The following GRIK2 variants were observed in gnomAD, a reference collection of about 807,000 sequenced individuals.
GRIK2 encodes the protein glutamate ionotropic receptor kainate type subunit 2, also known as glutamate receptor ionotropic, kainate 2.
Under a neutral mutation model 100.3 loss-of-function variants are expected in GRIK2, and 32 were observed. The observed-to-expected ratio is 0.32, with a 90% CI of 0.24 to 0.43. The LOEUF is 0.43. GRIK2 is among the 20% of genes least tolerant of loss of function. The pLI, the probability that GRIK2 is intolerant of heterozygous loss-of-function variation, is 1.00. For missense variants in GRIK2, 843 were observed against 1,114.9 expected (o/e 0.76, Z 3.47); for synonymous variants, 417 against 389.4 (o/e 1.07, Z -0.83).
In GRIK2 at chr6:101,790,942, G is replaced by T. The variant is rs1158449506; in HGVS notation, c.952-8706G>T. Among the ~76,000 whole-genome samples the T allele has an allele frequency of 2.0e-5, 3 of 152,132 alleles. No homozygotes were observed. The East Asian group carries it at 5.8e-4, about 29-fold the overall frequency. ...CTTCCTGGTTTAGTCTTGGGAGGGT[G>T]TATATGTCGAGGAATTTATCCATTT... On this transcript the variant is annotated intron_variant, in intron 7 of 16. Coordinates refer to ENST00000369134, the MANE Select transcript of GRIK2 (RefSeq NM_021956.5).
chr6:101,661,283 A>T (rs1195970741), intron 4 of GRIK2, among the ~76,000 whole-genome samples: 1 of 152,026 alleles, frequency 6.6e-6, no homozygotes, highest in African/African-American at 2.4e-5. Context: ...GTGAGGGGAA[A>T]ATTGCCTACT....
At chr6:101,402,048 C>T (rs965777335) in intron 2 of GRIK2, among the ~76,000 whole-genome samples, 5 of 152,176 alleles carry the variant, frequency 3.3e-5, no homozygotes, top group Admixed American at 1.3e-4. Flanking sequence ...CTGTGTTATC[C>T]TTCCCCTTGC....
At chr6:101,425,451 G>A (rs1290261190) in intron 2 of GRIK2, among the ~76,000 whole-genome samples, 1 of 151,988 alleles carries the variant, frequency 6.6e-6, no homozygotes, top group Non-Finnish European at 1.5e-5. Context: ...GGAAAATTGA[G>A]AGAGTAAGAC....
At chr6:101,730,785 T>C (rs867960720) in intron 7 of GRIK2, among the ~76,000 whole-genome samples, 1 of 151,320 alleles carries the variant, frequency 6.6e-6, no homozygotes, top group Admixed American at 6.6e-5. Flanking sequence ...GAGAGAAACA[T>C]ACTTCACAGC....
chr6:101,914,607 C>T lies in GRIK2; in HGVS notation c.1749-9994C>T, dbSNP rs1310958954. Among the ~76,000 whole-genome samples the T allele has an allele frequency of 2.6e-5, 4 of 151,306 alleles. No individual in the cohort carries two copies. In the East Asian group the frequency reaches 7.8e-4, roughly 29 times the overall value. ...TGGAGTGTGAGTCGTATTACTGATC[C>T]TGACAATGTGTTGCCCCCCCACCAC... On this transcript the variant is annotated intron_variant, in intron 12 of 16. Transcript: ENST00000369134.
At chr6:101,908,157 T>C (rs1168645114) in intron 12 of GRIK2, among the ~76,000 whole-genome samples, 2 of 151,574 alleles carry the variant, frequency 1.3e-5, no homozygotes, top group Admixed American at 1.3e-4. Flanking sequence ...ATTTTATTTA[T>C]TATATTGTAT....
intron 2 of GRIK2, among the ~76,000 whole-genome samples, chr6:101,594,514 T>C (rs188665464): frequency 1.3e-5 from 2 of 151,900 alleles, no homozygotes; most frequent in East Asian, 1.9e-4. Flanking sequence ...AGGAAATATA[T>C]AGCATATGTT....
intron 7 of GRIK2, among the ~76,000 whole-genome samples, chr6:101,705,581 A>C (rs1445094232): frequency 1.3e-5 from 2 of 151,852 alleles, no homozygotes; most frequent in African/African-American, 4.8e-5. Flanking sequence ...TCTATGGAAA[A>C]TGTACATGTA....
chr6:101,536,034 C>A (rs1211098452), intron 2 of GRIK2, among the ~76,000 whole-genome samples: 2 of 151,700 alleles, frequency 1.3e-5, no homozygotes, highest in Non-Finnish European at 3.0e-5. Flanking sequence ...TCTTGAGGGA[C>A]AAACAATAAT....
chr6:101,585,886 G>A (rs1354824870), intron 2 of GRIK2, among the ~76,000 whole-genome samples: 1 of 152,040 alleles, frequency 6.6e-6, no homozygotes, highest in Non-Finnish European at 1.5e-5. Context: ...TCATGTGGTG[G>A]AGCAAGCTAA....
chr6:101,748,306 T>C (rs1429441014), intron 7 of GRIK2, among the ~76,000 whole-genome samples: 1 of 152,154 alleles, frequency 6.6e-6, no homozygotes, highest in Non-Finnish European at 1.5e-5. Flanking sequence ...ATTCCTTTCA[T>C]CAATTTAGCA....
At chr6:101,721,411 T>C (rs1296627781) in intron 7 of GRIK2, among the ~76,000 whole-genome samples, 1 of 151,712 alleles carries the variant, frequency 6.6e-6, no homozygotes, top group Non-Finnish European at 1.5e-5. Context: ...AAATAAAAAT[T>C]AGCTGGGAGT....
chr6:101,734,729 G>A (rs1243971728), intron 7 of GRIK2, among the ~76,000 whole-genome samples: 1 of 152,156 alleles, frequency 6.6e-6, no homozygotes, highest in Non-Finnish European at 1.5e-5. Flanking sequence ...CTTGTCCTAA[G>A]GAAAATGACA....
chr6:101,549,407 G>A (rs1242578933), intron 2 of GRIK2, among the ~76,000 whole-genome samples: 1 of 152,034 alleles, frequency 6.6e-6, no homozygotes, highest in Non-Finnish European at 1.5e-5. Context: ...TTTTATGTTA[G>A]TTCATGGTGG....
intron 7 of GRIK2, among the ~76,000 whole-genome samples, chr6:101,700,308 T>G (rs1487527442): frequency 6.6e-6 from 1 of 151,654 alleles, no homozygotes; most frequent in Non-Finnish European, 1.5e-5. Context: ...TTATAAAAAT[T>G]TGACAGTTTG....
chr6:101,960,522 C>T (rs914151409), intron 14 of GRIK2, among the ~76,000 whole-genome samples: 42 of 151,940 alleles, frequency 2.8e-4, no homozygotes, highest in African/African-American at 9.9e-4. Context: ...CTCTTGAGGG[C>T]GTAACTGTAA....
At chr6:101,917,401 T>A (rs1023314840) in intron 12 of GRIK2, among the ~76,000 whole-genome samples, 6 of 151,694 alleles carry the variant, frequency 4.0e-5, no homozygotes, top group Non-Finnish European at 7.4e-5. Flanking sequence ...CTCATTTAAA[T>A]AATGCTGAAA....
At chr6:101,966,261 T>C (rs905855515) in intron 14 of GRIK2, among the ~76,000 whole-genome samples, 1 of 152,158 alleles carries the variant, frequency 6.6e-6, no homozygotes, top group Admixed American at 6.6e-5. Flanking sequence ...ATTTAGGTAA[T>C]GCAAATATGT....
intron 2 of GRIK2, among the ~76,000 whole-genome samples, chr6:101,584,588 AATC>A (rs1778262599): frequency 6.6e-6 from 1 of 152,166 alleles, no homozygotes; most frequent in African/African-American, 2.4e-5. Context: ...CAAAAGAATG[AATC>A]ATTTCTTCTG....
Sources: allele counts gnomAD v4.1 joint callset (sites outside exome capture counted in the v4.1 genomes callset), GRCh38; gene constraint gnomAD v4.1.1; transcripts MANE v1.5; gene names NCBI Gene and HGNC (gene_info 2026-07-23, HGNC 2026-07-21).